The following LUZP1 variants were observed in gnomAD, a reference collection of about 807,000 sequenced individuals.
The protein encoded by LUZP1 is leucine zipper protein 1.
A neutral mutation model predicts 71.3 loss-of-function variants in LUZP1; 25 were observed. The ratio of observed to expected loss-of-function variants is 0.35; its 90% CI spans 0.26 to 0.49. The LOEUF is 0.49. Among genes scored for constraint, LUZP1 ranks in the 20% least tolerant of loss-of-function variants. The probability of loss-of-function intolerance (pLI) is 0.99; values close to 1 mark genes in which losing one functional copy is unlikely to be tolerated. For synonymous variants in LUZP1, 481 were observed against 506.4 expected (o/e 0.95, Z 0.67); for missense variants, 1,142 against 1,300.8 (o/e 0.88, Z 1.88).
At chr1:23,114,514 G>GCCAT (rs1164395745) in intron 2 of LUZP1, among the ~76,000 whole-genome samples, 10 of 152,196 alleles carry the variant, frequency 6.6e-5, no homozygotes, top group Admixed American at 2.0e-4. Context: ...TTCCCTGAAT[G>GCCAT]CCATCACTGA....
In LUZP1 at chr1:23,097,465, C is replaced by T. The variant is rs1643899005; in HGVS notation, c.-119-3085G>A. On this transcript the variant is annotated intron_variant, in intron 3 of 4. Coordinates refer to ENST00000302291, the Ensembl canonical transcript of LUZP1. Reference sequence around the variant, plus strand: ...TACATGCGTTCCAAGAGCACGTGACCAAGACAGTTGAGAAATGGTCAGAAT... The same window carrying T: ...TACATGCGTTCCAAGAGCACGTGACTAAGACAGTTGAGAAATGGTCAGAAT... Among the ~76,000 whole-genome samples, 6 of 152,032 alleles carry T rather than the reference C, an allele frequency of 3.9e-5. No homozygotes were observed. In the South Asian group the frequency reaches 1.2e-3, roughly 32 times the overall value.
chr1:23,149,825 G>A (rs912773027), intron 2 of LUZP1, among the ~76,000 whole-genome samples: 2 of 151,930 alleles, frequency 1.3e-5, no homozygotes, highest in African/African-American at 2.4e-5. Context: ...AGCTGGGTGT[G>A]GTGGCACGCG....
chr1:23,135,553 G>C (rs1369733251), intron 2 of LUZP1, among the ~76,000 whole-genome samples: 1 of 152,162 alleles, frequency 6.6e-6, no homozygotes, highest in East Asian at 1.9e-4. Flanking sequence ...TTAGGAACAG[G>C]CATGGTACTG....
chr1:23,121,083 C>A (rs1003403591), intron 2 of LUZP1, among the ~76,000 whole-genome samples: 2 of 152,140 alleles, frequency 1.3e-5, no homozygotes, highest in African/African-American at 4.8e-5. Flanking sequence ...TTACAAACAA[C>A]CACATTTATA....
At chr1:23,091,283 G>C (rs1027754076) in exon 4 of LUZP1, 16 of 1,613,854 alleles carry the variant, frequency 9.9e-6, no homozygotes, top group Non-Finnish European at 1.4e-5. Flanking sequence ...GGCTACTTTG[G>C]GTCCTTCTGG....
intron 2 of LUZP1, among the ~76,000 whole-genome samples, chr1:23,158,323 A>G (rs1644436194): frequency 6.6e-6 from 1 of 152,172 alleles, no homozygotes; most frequent in African/African-American, 2.4e-5. Context: ...AAGACTTTCC[A>G]TATTGTTTGT....
chr1:23,172,946 C>G (rs1644560817), intron 1 of LUZP1, among the ~76,000 whole-genome samples: 1 of 151,832 alleles, frequency 6.6e-6, no homozygotes, highest in Non-Finnish European at 1.5e-5. Context: ...CCCCAGCCTG[C>G]TGAGTAGCTG....
chr1:23,164,440 C>T (rs1246464800), intron 2 of LUZP1, among the ~76,000 whole-genome samples: 3 of 150,172 alleles, frequency 2.0e-5, no homozygotes, highest in Admixed American at 2.0e-4. Flanking sequence ...TGCAGTGAGC[C>T]AAGATCACAC....
chr1:23,137,154 C>T (rs537574591), intron 2 of LUZP1, among the ~76,000 whole-genome samples: 34 of 152,282 alleles, frequency 2.2e-4, no homozygotes, highest in Non-Finnish European at 4.1e-4. Flanking sequence ...TTTCCAAATC[C>T]TATATCCAGT....
chr1:23,092,825 C>CG lies in LUZP1; in HGVS notation c.1436dup (p.Ala480GlyfsTer7), dbSNP rs769310921. 1.2e-6 allele frequency: 2 copies of CG among 1,613,756 alleles called. No homozygotes were observed. The highest frequency in any genetic ancestry group is 1.7e-5 in the Admixed American group (1 of 59,982). Reference sequence around the variant, plus strand: ...ACGCTTTACTGTGCTCCTGAGCAGCCGGGGGGTAGCGACTCAGCACTGAGG... The same window carrying CG: ...ACGCTTTACTGTGCTCCTGAGCAGCCGGGGGGGTAGCGACTCAGCACTGAGG... On this transcript the variant is annotated frameshift_variant, in exon 4 of 5. Coordinates refer to ENST00000302291, the Ensembl canonical transcript of LUZP1. LOFTEE classifies it high-confidence loss of function.
At chr1:23,109,723 A>T (rs1395125905) in intron 2 of LUZP1, 1 of 152,242 alleles carries the variant, frequency 6.6e-6, no homozygotes, top group Non-Finnish European at 1.5e-5. Context: ...TTTCATGTTT[A>T]GACTTGGGTC....
intron 2 of LUZP1, among the ~76,000 whole-genome samples, chr1:23,151,082 CG>C (rs1644379580): frequency 6.6e-6 from 1 of 151,996 alleles, no homozygotes; most frequent in Admixed American, 6.6e-5. Context: ...CTCGCTCTGT[CG>C]CCCAGGCTGG....
chr1:23,133,986 G>C (rs1305217187), intron 2 of LUZP1, among the ~76,000 whole-genome samples: 1 of 152,140 alleles, frequency 6.6e-6, no homozygotes, highest in Non-Finnish European at 1.5e-5. Context: ...TGTTATTAAA[G>C]ATATACACAC....
exon 4 of LUZP1, chr1:23,092,450 C>T: frequency 2.5e-6 from 4 of 1,614,186 alleles, no homozygotes; most frequent in Non-Finnish European, 3.4e-6. Context: ...TATAAGGATA[C>T]TTCGATAGAA....
intron 2 of LUZP1, among the ~76,000 whole-genome samples, chr1:23,126,281 G>T (rs902711691): frequency 2.2e-4 from 33 of 152,010 alleles, no homozygotes; most frequent in Non-Finnish European, 4.3e-4. Flanking sequence ...CTTCTAAATA[G>T]TGACTAAAAC....
intron 3 of LUZP1, among the ~76,000 whole-genome samples, chr1:23,104,421 T>C (rs1346591591): frequency 6.6e-6 from 1 of 151,890 alleles, no homozygotes; most frequent in African/African-American, 2.4e-5. Flanking sequence ...TGACCTCAAG[T>C]GATCCACAAG....
chr1:23,129,579 T>C (rs1177712397), intron 2 of LUZP1, among the ~76,000 whole-genome samples: 1 of 152,110 alleles, frequency 6.6e-6, no homozygotes, highest in African/African-American at 2.4e-5. Flanking sequence ...AAAAACTCCG[T>C]CTCAAAATAA....
intron 2 of LUZP1, among the ~76,000 whole-genome samples, chr1:23,123,306 A>T (rs937435072): frequency 6.6e-6 from 1 of 152,122 alleles, no homozygotes; most frequent in Admixed American, 6.6e-5. Flanking sequence ...AGCCTGACCA[A>T]CACAGTGAAA....
chr1:23,154,160 C>CT (rs1489498704), intron 2 of LUZP1, among the ~76,000 whole-genome samples: 1 of 152,078 alleles, frequency 6.6e-6, no homozygotes, highest in Non-Finnish European at 1.5e-5. Flanking sequence ...CAGTGGTTGC[C>CT]TGAGGGTAAG....
Sources: allele counts gnomAD v4.1 joint callset (sites outside exome capture counted in the v4.1 genomes callset), GRCh38; gene constraint gnomAD v4.1.1; transcripts MANE v1.5; gene names NCBI Gene and HGNC (gene_info 2026-07-23, HGNC 2026-07-21).